Variants in SLC45A4 observed in about 807,000 individuals in gnomAD.
SLC45A4 encodes solute carrier family 45 member 4, also known as polyamine-transporter SLC45A4.
Under a neutral mutation model 63.7 loss-of-function variants are expected in SLC45A4, and 32 were observed. The observed-to-expected ratio is 0.50, with a 90% CI of 0.38 to 0.67. The LOEUF (loss-of-function observed/expected upper bound fraction) is 0.67, where lower values mean the gene tolerates loss of function less well. Ranked by LOEUF, SLC45A4 falls within the 30% of genes least tolerant of loss-of-function variation. The pLI, the probability that SLC45A4 is intolerant of heterozygous loss-of-function variation, is 0.00. For missense variants in SLC45A4, 1,027 were observed against 1,157.7 expected (o/e 0.89, Z 1.64); for synonymous variants, 535 against 510.0 (o/e 1.05, Z -0.66).
At chr8:141,219,059 C>A in intron 4 of SLC45A4, 30 bp from the exon 5 acceptor site, 1 of 1,588,790 alleles carries the variant, frequency 6.3e-7, no homozygotes, top group African/African-American at 1.3e-5. Flanking sequence ...AGCCGGTGAG[C>A]CGGTGGCACC....
intron 5 of SLC45A4, among the ~76,000 whole-genome samples, chr8:141,217,598 G>A (rs1480796127): frequency 6.6e-6 from 1 of 152,216 alleles, no homozygotes; most frequent in Non-Finnish European, 1.5e-5. Flanking sequence ...GGGCACCTTG[G>A]TTCTCCTGGC....
At chr8:141,266,024 A>G (rs897182506) in intron 1 of SLC45A4, among the ~76,000 whole-genome samples, 2 of 152,042 alleles carry the variant, frequency 1.3e-5, no homozygotes, top group Non-Finnish European at 2.9e-5. Context: ...AGCTGGCTGT[A>G]AACTTAAATT....
intron 1 of SLC45A4, among the ~76,000 whole-genome samples, chr8:141,305,558 A>T (rs1035216503): frequency 7.9e-5 from 12 of 152,212 alleles, no homozygotes; most frequent in Admixed American, 5.9e-4. Flanking sequence ...AATTACAGAC[A>T]CGACTCTGCC....
intron 2 of SLC45A4, among the ~76,000 whole-genome samples, chr8:141,240,641 A>G (rs1023839967): frequency 1.3e-5 from 2 of 152,182 alleles, no homozygotes; most frequent in African/African-American, 4.8e-5. Context: ...GGGGAGGTTG[A>G]GGTGAAAGGA....
At chr8:141,274,534 CAAAAA>C (rs35503591) in intron 1 of SLC45A4, among the ~76,000 whole-genome samples, 1 of 94,072 alleles carries the variant, frequency 1.1e-5, no homozygotes. Context: ...AACTCGGTCT[CAAAAA>C]AAAAAAAAAA....
At chr8:141,282,275 G>A (rs372625378) in intron 1 of SLC45A4, among the ~76,000 whole-genome samples, 1 of 152,168 alleles carries the variant, frequency 6.6e-6, no homozygotes, top group Non-Finnish European at 1.5e-5. Context: ...GAGCAGAGCC[G>A]ACCTGACACT....
chr8:141,234,997 G>C (rs1237648718), intron 2 of SLC45A4, among the ~76,000 whole-genome samples: 1 of 152,194 alleles, frequency 6.6e-6, no homozygotes, highest in Non-Finnish European at 1.5e-5. Flanking sequence ...CCGCTACCTA[G>C]CAGGTGCTCG....
chr8:141,275,072 C>T lies in SLC45A4; in HGVS notation c.-400-20443G>A, dbSNP rs201932907. On this transcript the variant is annotated intron_variant, in intron 1 of 8. Coordinates refer to ENST00000517878, the MANE Select transcript of SLC45A4 (RefSeq NM_001286646.2). ...GCCGGCAGGAGCCAGCTCTGAATTC[C>T]GCCAACCACATCGGTTCGACTGAAA... Among the ~76,000 whole-genome samples, 5 of 152,214 alleles carry T rather than the reference C, an allele frequency of 3.3e-5. No individual in the cohort carries two copies. The East Asian group carries it at 5.8e-4, about 18-fold the overall frequency.
intron 2 of SLC45A4, among the ~76,000 whole-genome samples, chr8:141,238,574 C>A (rs915890996): frequency 6.6e-6 from 1 of 152,170 alleles, no homozygotes; most frequent in Non-Finnish European, 1.5e-5. Flanking sequence ...AGCTTTTCAC[C>A]GAGTCTATCC....
chr8:141,218,521 C>T lies in SLC45A4; in HGVS notation c.1119G>A (p.Leu373=). The part of the protein sequence containing the change: ...LKEAAKEDET[L]LDNHLNEAKV... ...TAGCTTCATTCAAGTGATTATCCAG[C>T]AAGGTCTCGTCCTCCTTGGCGGCTT... Residue 373 remains leucine (L), a synonymous_variant, in exon 5 of 9, where the codon TTG becomes TTA. Transcript: ENST00000517878. 2 of 1,613,570 alleles carry T rather than the reference C, an allele frequency of 1.2e-6. No homozygotes were observed. The highest frequency in any genetic ancestry group is 1.7e-6 in the Non-Finnish European group (2 of 1,179,960).
chr8:141,303,004 T>C (rs901828883), intron 1 of SLC45A4, among the ~76,000 whole-genome samples: 1 of 150,304 alleles, frequency 6.7e-6, no homozygotes, highest in Non-Finnish European at 1.5e-5. Context: ...TTTTTTTTTT[T>C]TTTTTTTTGA....
intron 2 of SLC45A4, among the ~76,000 whole-genome samples, chr8:141,240,801 G>A (rs1589801534): frequency 6.6e-6 from 1 of 152,230 alleles, no homozygotes; most frequent in East Asian, 1.9e-4. Context: ...TTGGATCCTA[G>A]CTCTGAGACA....
chr8:141,222,432 TC>T (rs968829183), intron 2 of SLC45A4, among the ~76,000 whole-genome samples: 3 of 152,090 alleles, frequency 2.0e-5, no homozygotes, highest in Non-Finnish European at 4.4e-5. Context: ...ACATTCTCCT[TC>T]CTGACCACCC....
At position 141,254,909 on chromosome 8, in the gene SLC45A4, T is replaced by G; in HGVS notation, c.-400-280A>C. On this transcript the variant is annotated intron_variant, in intron 1 of 8. Transcript: ENST00000517878. The surrounding 1 kb of genome is among the most constrained non-coding windows in gnomAD (Gnocchi z 4.5). ...CAGACAGAGAAAAACGCTGGAAATA[T>G]TCACTCTTTGGCCAGTAACAATATC... 1 of 376,708 alleles carries G rather than the reference T, an allele frequency of 2.7e-6. No homozygotes were observed. The highest frequency in any genetic ancestry group is 5.2e-6 in the Non-Finnish European group (1 of 191,838). The allele number at this position is 376,708 out of a possible 1,614,324, so 23.3% of individuals were successfully genotyped here.
At position 141,227,610 on chromosome 8, in the gene SLC45A4, C is replaced by T. The variant is rs571881440; in HGVS notation, c.242-5845G>A. Among the ~76,000 whole-genome samples, 7 of 152,190 alleles carry T rather than the reference C, an allele frequency of 4.6e-5. No individual in the cohort carries two copies. Among genetic ancestry groups the T allele is most frequent in the African/African-American group, 9.6e-5 (4 of 41,524 alleles). On this transcript the variant is annotated intron_variant, in intron 2 of 8. Coordinates refer to ENST00000517878, the MANE Select transcript of SLC45A4 (RefSeq NM_001286646.2). This position sits in a 1 kb window ranked among gnomAD's most constrained non-coding sequence, Gnocchi z 4.4. The stretch of plus-strand genomic sequence containing the variant: ...AGGAAAGACACTGGGCCGGGGGAGC[C>T]GGGCCCCCAGGGCTCGGGCCACCTG...
intron 2 of SLC45A4, among the ~76,000 whole-genome samples, chr8:141,224,061 G>A (rs1463174920): frequency 6.6e-6 from 1 of 151,452 alleles, no homozygotes; most frequent in Non-Finnish European, 1.5e-5. Context: ...AATGCTCTTG[G>A]ATTCTGTCTG....
intron 1 of SLC45A4, among the ~76,000 whole-genome samples, chr8:141,295,380 C>T (rs1334459958): frequency 2.6e-5 from 4 of 152,178 alleles, no homozygotes; most frequent in Non-Finnish European, 4.4e-5. Flanking sequence ...CTCCCAGGGC[C>T]GCCACCTTCA....
chr8:141,277,798 C>A (rs955095901), intron 1 of SLC45A4, among the ~76,000 whole-genome samples: 1 of 152,112 alleles, frequency 6.6e-6, no homozygotes, highest in Admixed American at 6.6e-5. Flanking sequence ...CACCACCACG[C>A]CCGGCTAATT....
chr8:141,288,494 T>C (rs1300159305), intron 1 of SLC45A4, among the ~76,000 whole-genome samples: 1 of 152,224 alleles, frequency 6.6e-6, no homozygotes, highest in East Asian at 1.9e-4. Flanking sequence ...CCACGCCTGG[T>C]TGGACCGCTC....
Sources: gnomAD v4.1 joint callset for allele counts (sites outside exome capture counted in the v4.1 genomes callset) on GRCh38, gnomAD v4.1.1 for gene constraint, Gnocchi (gnomAD v3.1) non-coding constraint, MANE v1.5 for transcripts, NCBI Gene and HGNC (gene_info 2026-07-23, HGNC 2026-07-21) for gene names.